TBC1D5: variants seen among roughly 807,000 people sequenced by gnomAD.
The protein encoded by TBC1D5 is TBC1 domain family, member 5.
A neutral mutation model predicts 100.3 loss-of-function variants in TBC1D5; 75 were observed. The observed-to-expected ratio is 0.75, with a 90% CI of 0.62 to 0.91. TBC1D5 has a LOEUF of 0.91. Among genes scored for constraint, TBC1D5 ranks in the 40% least tolerant of loss-of-function variants. TBC1D5 has a pLI of 0.00. For synonymous variants in TBC1D5, 323 were observed against 325.6 expected, an observed-to-expected ratio of 0.99 and a Z score of 0.09; for missense variants, 910 against 942.4, an observed-to-expected ratio of 0.97 and a Z score of 0.45.
intron 17 of TBC1D5, among the ~76,000 whole-genome samples, chr3:17,228,641 G>C (rs746943318): frequency 6.6e-6 from 1 of 151,660 alleles, no homozygotes; most frequent in Non-Finnish European, 1.5e-5. Context: ...GCCATGGTCT[G>C]CTTATTAAGT....
chr3:17,689,896 C>A (rs1400530623), intron 1 of TBC1D5, among the ~76,000 whole-genome samples: 3 of 98,138 alleles, frequency 3.1e-5, no homozygotes, highest in Non-Finnish European at 6.4e-5. Context: ...CAGGATAGGA[C>A]CCCTCCCCCC....
chr3:17,561,159 T>C (rs1408316267), intron 2 of TBC1D5, among the ~76,000 whole-genome samples: 2 of 152,314 alleles, frequency 1.3e-5, no homozygotes, highest in Admixed American at 6.5e-5. Flanking sequence ...ATTACAGGCA[T>C]GTTTACCTTA....
In TBC1D5 at chr3:17,431,962, T is replaced by C. The variant is rs566926488; in HGVS notation, c.98-3443A>G. 2.0e-5 allele frequency among the ~76,000 whole-genome samples: 3 copies of C among 152,230 alleles called. No homozygotes were observed. In the East Asian group the frequency reaches 5.8e-4, roughly 29 times the overall value. ...TAGTATTTTTTTATACACAAACATC[T>C]AGTTCATGAAGAGAGAACCAGAGAT... On this transcript the variant is annotated intron_variant, in intron 3 of 21. Coordinates refer to ENST00000253692, the Ensembl canonical transcript of TBC1D5.
intron 3 of TBC1D5, among the ~76,000 whole-genome samples, chr3:17,455,966 C>A (rs143304728): frequency 6.6e-6 from 1 of 152,146 alleles, no homozygotes; most frequent in East Asian, 1.9e-4. Context: ...ACAAATAGAA[C>A]AGAATAGAGA....
intron 13 of TBC1D5, among the ~76,000 whole-genome samples, chr3:17,351,263 A>C (rs955738572): frequency 2.6e-5 from 4 of 152,174 alleles, no homozygotes; most frequent in African/African-American, 9.6e-5. Flanking sequence ...TCATTCTACT[A>C]TAAAGACACA....
chr3:17,445,611 C>T lies in TBC1D5; in HGVS notation c.98-17092G>A, dbSNP rs562408188. On this transcript the variant is annotated intron_variant, in intron 3 of 21. Transcript: ENST00000253692. ...GGTCCAACAATAGGTGAGAATAGTA[C>T]AATAAGATATTTTTGAAAGAGACTA... 5.9e-5 allele frequency among the ~76,000 whole-genome samples: 9 copies of T among 152,124 alleles called. No homozygotes were observed. The South Asian group carries it at 1.7e-3, about 28-fold the overall frequency.
chr3:17,324,705 A>G (rs2151007518), intron 13 of TBC1D5, among the ~76,000 whole-genome samples: 1 of 152,332 alleles, frequency 6.6e-6, no homozygotes, highest in East Asian at 1.9e-4. Flanking sequence ...CAAAATACAT[A>G]CATGCAAAAA....
chr3:17,403,055 T>G, intron 8 of TBC1D5, 126 bp downstream of exon 8: 2 of 652,622 alleles, frequency 3.1e-6, no homozygotes, highest in Non-Finnish European at 4.9e-6. Context: ...AAAACAAGTT[T>G]GTTATTAACA....
intron 1 of TBC1D5, among the ~76,000 whole-genome samples, chr3:17,626,034 C>T (rs951476353): frequency 6.6e-6 from 1 of 151,972 alleles, no homozygotes; most frequent in African/African-American, 2.4e-5. Flanking sequence ...ACTGAATTTA[C>T]CCAGATATAT....
chr3:17,356,696 AG>A (rs1462730475), intron 13 of TBC1D5, among the ~76,000 whole-genome samples: 3 of 152,240 alleles, frequency 2.0e-5, no homozygotes, highest in Non-Finnish European at 4.4e-5. Flanking sequence ...CTGACCAACT[AG>A]AACAGAGTGA....
At chr3:17,169,520 G>A (rs1242476739) in intron 19 of TBC1D5, among the ~76,000 whole-genome samples, 1 of 152,148 alleles carries the variant, frequency 6.6e-6, no homozygotes, top group Admixed American at 6.5e-5. Flanking sequence ...TAGCAGAAAA[G>A]CAACAGCGTT....
At chr3:17,365,654 G>T (rs1341940420) in intron 13 of TBC1D5, among the ~76,000 whole-genome samples, 3 of 152,102 alleles carry the variant, frequency 2.0e-5, no homozygotes, top group Admixed American at 2.0e-4. Context: ...CTCTCCAGGG[G>T]CCTTGATTTT....
At chr3:17,465,089 T>G (rs1210711103) in intron 3 of TBC1D5, 1 of 152,082 alleles carries the variant, frequency 6.6e-6, no homozygotes, top group African/African-American at 2.4e-5. Flanking sequence ...AAAAACCAGC[T>G]GAGAAATAAA....
intron 1 of TBC1D5, among the ~76,000 whole-genome samples, chr3:17,674,039 C>T (rs1305904067): frequency 2.6e-5 from 4 of 152,180 alleles, no homozygotes; most frequent in East Asian, 1.9e-4. Context: ...GAACCTGTCA[C>T]TTCATTAGTG....
Position 17,376,510 on chromosome 3 carries a change from A to T in TBC1D5, c.701+15T>A. 2 of 1,437,062 alleles carry T rather than the reference A, an allele frequency of 1.4e-6. No homozygotes were observed. Among genetic ancestry groups the T allele is most frequent in the Non-Finnish European group, 1.9e-6 (2 of 1,062,136 alleles). The allele number at this position is 1,437,062 out of a possible 1,614,324, so 89.0% of individuals were successfully genotyped here. A position where few individuals can be genotyped will look rare whatever the true frequency, so the allele number is the denominator to read the frequency against. ...CTAAAAAACAAATGGAGCTCATATT[A>T]AAAAAAAAACTTGCCTGGGCTGTGC... is the stretch of plus-strand genomic sequence containing the variant. On this transcript the variant is annotated intron_variant, in intron 10 of 21. Coordinates refer to ENST00000253692, the Ensembl canonical transcript of TBC1D5.
rs188968256 is a variant in TBC1D5 at position 17,187,898 on chromosome 3, T to C, written c.1753-2690A>G. Among the ~76,000 whole-genome samples, 567 of 152,348 alleles carry C rather than the reference T, an allele frequency of 3.7e-3. 1 individual carries two copies. The highest frequency in any genetic ancestry group is 5.9e-3 in the Non-Finnish European group (400 of 68,032). On this transcript the variant is annotated intron_variant, in intron 18 of 21. Coordinates refer to ENST00000253692, the Ensembl canonical transcript of TBC1D5. ...ACTTCTCCTCTATTTACTCCATGCA[T>C]TAGTTTAAATTGGATTAGCCACCAC...
intron 1 of TBC1D5, among the ~76,000 whole-genome samples, chr3:17,712,574 C>T (rs1467481220): frequency 6.6e-6 from 1 of 152,124 alleles, no homozygotes; most frequent in Non-Finnish European, 1.5e-5. Context: ...AACTACTTAG[C>T]CCAGTTTAAC....
intron 13 of TBC1D5, among the ~76,000 whole-genome samples, chr3:17,360,708 A>T (rs1036299265): frequency 1.6e-4 from 25 of 152,152 alleles, no homozygotes; most frequent in South Asian, 1.2e-3. Flanking sequence ...ATACAAATTT[A>T]AAAATAAAGT....
At position 17,718,840 on chromosome 3, in the gene TBC1D5, A is replaced by G. The variant is rs372903314; in HGVS notation, c.-101+20503T>C. Among the ~76,000 whole-genome samples the G allele has an allele frequency of 1.2e-4, 18 of 152,272 alleles. No individual in the cohort carries two copies. In the East Asian group the frequency reaches 3.5e-3, roughly 29 times the overall value. On this transcript the variant is annotated intron_variant, in intron 1 of 21. Transcript: ENST00000253692. ...ATATATACAAAATAAGTAAAAATAG[A>G]ATTAAAAAACCCTATAGACAGATGA...
Sources: gnomAD v4.1 joint callset for allele counts (sites outside exome capture counted in the v4.1 genomes callset) on GRCh38, gnomAD v4.1.1 for gene constraint, MANE v1.5 for transcripts, NCBI Gene and HGNC (gene_info 2026-07-23, HGNC 2026-07-21) for gene names.